Variants in SHTN1 observed in about 807,000 individuals in gnomAD.
SHTN1 encodes shootin-1.
A neutral mutation model predicts 83.1 loss-of-function variants in SHTN1; 42 were observed. The observed-to-expected ratio is 0.51, with a 90% confidence interval of 0.39 to 0.65. The LOEUF (loss-of-function observed/expected upper bound fraction) is 0.65. Ranked by LOEUF, SHTN1 falls within the 30% of genes least tolerant of loss-of-function variation. The pLI is 0.00. For missense variants in SHTN1, 622 were observed against 737.8 expected (o/e 0.84, Z 1.82); for synonymous variants, 224 against 247.7 (o/e 0.90, Z 0.90).
intron 4 of SHTN1, among the ~76,000 whole-genome samples, chr10:116,958,992 T>G (rs1850082794): frequency 6.6e-6 from 1 of 151,996 alleles, no homozygotes; most frequent in Non-Finnish European, 1.5e-5. Flanking sequence ...CAAGAAAAAA[T>G]AGAGAGTATA....
intron 14 of SHTN1, among the ~76,000 whole-genome samples, chr10:116,910,461 G>A (rs1848147348): frequency 1.3e-5 from 2 of 152,098 alleles, no homozygotes; most frequent in Admixed American, 1.3e-4. Flanking sequence ...TGGTGAATAT[G>A]GTATTTAAGA....
chr10:116,890,918 C>T (rs1337247676), intron 16 of SHTN1, among the ~76,000 whole-genome samples: 1 of 152,222 alleles, frequency 6.6e-6, no homozygotes, highest in Non-Finnish European at 1.5e-5. Context: ...AAAAGGACAT[C>T]GTTTGCATTC....
intron 2 of SHTN1, among the ~76,000 whole-genome samples, chr10:117,023,081 G>A (rs888563683): frequency 4.7e-4 from 72 of 152,296 alleles, no homozygotes; most frequent in African/African-American, 1.7e-3. Flanking sequence ...AAAAGCTCAT[G>A]CTACCCCAAA....
intron 2 of SHTN1, among the ~76,000 whole-genome samples, chr10:116,975,902 T>C (rs1850789222): frequency 1.3e-5 from 2 of 152,186 alleles, no homozygotes; most frequent in South Asian, 2.1e-4. Context: ...CACAAACCAA[T>C]AGCTGGTAAA....
intron 1 of SHTN1, among the ~76,000 whole-genome samples, chr10:116,999,844 C>T (rs1051404447): frequency 8.6e-5 from 13 of 151,996 alleles, no homozygotes; most frequent in African/African-American, 3.1e-4. Flanking sequence ...ACCTGGGAGG[C>T]GGAGGTTGCA....
intron 2 of SHTN1, among the ~76,000 whole-genome samples, chr10:117,030,706 A>G (rs1181239179): frequency 1.3e-5 from 2 of 152,074 alleles, no homozygotes; most frequent in African/African-American, 4.8e-5. Context: ...GAAAAATACA[A>G]TTGGCATTCT....
At chr10:117,098,503 G>T (rs572109354) in intron 1 of SHTN1, among the ~76,000 whole-genome samples, 2 of 151,772 alleles carry the variant, frequency 1.3e-5, no homozygotes, top group East Asian at 3.9e-4. Context: ...ATCAGATACT[G>T]ACAACAATCC....
rs138937654 is a variant in SHTN1 at position 117,125,114 on chromosome 10, C to G, written c.-189+1193G>C. Among the ~76,000 whole-genome samples the G allele has an allele frequency of 2.7e-4, 41 of 152,246 alleles. 1 individual carries two copies. The highest frequency in any genetic ancestry group is 9.9e-4 in the African/African-American group (41 of 41,556). Reference sequence around the variant, plus strand: ...ATATTTGTCTCAGAATTGCAAGAACCCCTCCGATGCTGGCAGACATCACTA... The same window carrying G: ...ATATTTGTCTCAGAATTGCAAGAACGCCTCCGATGCTGGCAGACATCACTA... On this transcript the variant is annotated intron_variant, in intron 1 of 17. Transcript: ENST00000392901.
chr10:117,035,330 CA>C (rs1464203399), intron 2 of SHTN1, among the ~76,000 whole-genome samples: 5 of 152,166 alleles, frequency 3.3e-5, no homozygotes, highest in African/African-American at 1.2e-4. Flanking sequence ...ACACAAAAAT[CA>C]AATCAAAATA....
chr10:117,081,904 C>A (rs11197890), intron 1 of SHTN1, among the ~76,000 whole-genome samples: 2 of 150,412 alleles, frequency 1.3e-5, no homozygotes, highest in Admixed American at 1.3e-4. Flanking sequence ...TTTTTTATTG[C>A]GTCTATTTGA....
At chr10:116,943,030 TTTC>T (rs1849442651) in intron 8 of SHTN1, among the ~76,000 whole-genome samples, 1 of 152,228 alleles carries the variant, frequency 6.6e-6, no homozygotes, top group African/African-American at 2.4e-5. Flanking sequence ...AAAAAAAAGT[TTTC>T]TTCTCACTAT....
chr10:117,050,502 A>G (rs1054128665), intron 1 of SHTN1, among the ~76,000 whole-genome samples: 9 of 152,200 alleles, frequency 5.9e-5, no homozygotes, highest in African/African-American at 1.9e-4. Context: ...TCTTAGGTCA[A>G]TAATCTAATT....
At chr10:117,109,990 G>A (rs1163088244) in intron 1 of SHTN1, among the ~76,000 whole-genome samples, 1 of 152,116 alleles carries the variant, frequency 6.6e-6, no homozygotes, top group East Asian at 1.9e-4. Flanking sequence ...CCTTCTAGAT[G>A]GAGAAACTGA....
intron 1 of SHTN1, among the ~76,000 whole-genome samples, chr10:117,065,859 A>G (rs1589917837): frequency 1.8e-5 from 1 of 55,952 alleles, no homozygotes; most frequent in Non-Finnish European, 3.2e-5. Flanking sequence ...GAAGGAAAGG[A>G]GGGAGGGAGG....
intron 16 of SHTN1, among the ~76,000 whole-genome samples, chr10:116,900,115 T>A (rs924464987): frequency 3.9e-5 from 6 of 152,226 alleles, no homozygotes; most frequent in African/African-American, 1.4e-4. Context: ...TCCAGAAAGG[T>A]GCTCTTATTT....
Position 116,884,075 on chromosome 10 carries a change from C to T in SHTN1, c.*2269G>A. Reference sequence around the variant, plus strand: ...CAAGACTTAATTTATCTTTCCCAAACAGAAGGAAGCATAAATAACCTTTTA... The same window carrying T: ...CAAGACTTAATTTATCTTTCCCAAATAGAAGGAAGCATAAATAACCTTTTA... On this transcript the variant is annotated 3_prime_UTR_variant, in exon 17 of 17. Transcript: ENST00000355371. 1 of 356,102 alleles carries T rather than the reference C, an allele frequency of 2.8e-6. No individual in the cohort carries two copies. The highest frequency in any genetic ancestry group is 5.7e-6 in the Non-Finnish European group (1 of 174,706). 22.1% of individuals were successfully genotyped at this position (356,102 alleles called of 1,614,324 possible). A position where few individuals can be genotyped will look rare whatever the true frequency, so the allele number is the denominator to read the frequency against.
chr10:117,046,063 GAAGA>G (rs1449182419), intron 2 of SHTN1, among the ~76,000 whole-genome samples: 1 of 152,132 alleles, frequency 6.6e-6, no homozygotes, highest in African/African-American at 2.4e-5. Flanking sequence ...AACACCAGGA[GAAGA>G]AAGAGGGAAA....
intron 1 of SHTN1, among the ~76,000 whole-genome samples, chr10:116,999,311 A>C (rs1394093241): frequency 6.6e-6 from 1 of 152,230 alleles, no homozygotes; most frequent in South Asian, 2.1e-4. Flanking sequence ...ACATACAAAC[A>C]CAATTTCTGG....
intron 1 of SHTN1, among the ~76,000 whole-genome samples, chr10:117,072,304 T>C (rs941033567): frequency 6.6e-6 from 1 of 152,148 alleles, no homozygotes; most frequent in Non-Finnish European, 1.5e-5. Context: ...GGTTCCATCA[T>C]AGCAGACGGG....
Sources: gnomAD v4.1 joint callset for allele counts (sites outside exome capture counted in the v4.1 genomes callset) on GRCh38, gnomAD v4.1.1 for gene constraint, MANE v1.5 for transcripts, NCBI Gene and HGNC (gene_info 2026-07-23, HGNC 2026-07-21) for gene names.